Variants in HIBCH observed in about 807,000 individuals in gnomAD.
The protein encoded by HIBCH is 3-hydroxyisobutyryl-CoA hydrolase.
A neutral mutation model predicts 58.2 loss-of-function variants in HIBCH; 50 were observed. The observed-to-expected ratio is 0.86, with a 90% CI of 0.68 to 1.09. HIBCH has a LOEUF of 1.09. HIBCH is among the 50% of genes least tolerant of loss of function. HIBCH has a pLI of 0.00. For missense variants in HIBCH, 450 were observed against 449.7 expected (o/e 1.00, Z -0.01); for synonymous variants, 151 against 146.9 (o/e 1.03, Z -0.20).
At chr2:190,235,418 T>C (rs529755778) in intron 11 of HIBCH, among the ~76,000 whole-genome samples, 1 of 152,372 alleles carries the variant, frequency 6.6e-6, no homozygotes, top group East Asian at 1.9e-4. Context: ...GGTAGGATAC[T>C]GAGTTAATCA....
At chr2:190,200,779 T>A (rs1367337037), downstream of HIBCH, 1 of 167,660 alleles carries the variant, frequency 6.0e-6, no homozygotes, top group African/African-American at 2.4e-5. Context: ...CCTAAAGCCA[T>A]CTTAGAGATA....
chr2:190,195,608 G>C (rs1689932644), intron 1 of HIBCH, among the ~76,000 whole-genome samples: 1 of 152,122 alleles, frequency 6.6e-6, no homozygotes, highest in South Asian at 2.1e-4. Context: ...CAATTAGCTT[G>C]TTCATATTTG....
At chr2:190,303,523 TG>T (rs1688323624) in intron 2 of HIBCH, among the ~76,000 whole-genome samples, 1 of 151,514 alleles carries the variant, frequency 6.6e-6, no homozygotes, top group South Asian at 2.1e-4. Context: ...TGGCCAGAAC[TG>T]GAACAATGAA....
At chr2:190,291,811 T>C (rs1286350336) in intron 4 of HIBCH, among the ~76,000 whole-genome samples, 1 of 152,222 alleles carries the variant, frequency 6.6e-6, no homozygotes, top group East Asian at 1.9e-4. Context: ...CTATCAAAGT[T>C]TCCTCTTCTA....
intron 1 of HIBCH, among the ~76,000 whole-genome samples, chr2:190,314,373 A>G (rs1688656016): frequency 2.3e-5 from 2 of 86,774 alleles, no homozygotes. Flanking sequence ...ATATATACGT[A>G]TATATGTGTA....
chr2:190,235,908 C>T (rs72915420), intron 11 of HIBCH, among the ~76,000 whole-genome samples: 2,460 of 152,298 alleles, frequency 0.016, 37 homozygotes, highest in South Asian at 0.054. Context: ...TCCCTGAGAA[C>T]AGATACTGGA....
intron 2 of HIBCH, among the ~76,000 whole-genome samples, chr2:190,303,223 TAC>T (rs1688315013): frequency 6.6e-6 from 1 of 152,166 alleles, no homozygotes; most frequent in South Asian, 2.1e-4. Flanking sequence ...TGCATTCTAT[TAC>T]AGATACATAC....
At position 190,236,044 on chromosome 2, in the gene HIBCH, G is replaced by A. The variant is rs1298350676; in HGVS notation, c.891+8843C>T. Among the ~76,000 whole-genome samples the A allele has an allele frequency of 6.6e-6, 1 of 152,184 alleles. No homozygotes were observed. The highest frequency in any genetic ancestry group is 2.4e-5 in the African/African-American group (1 of 41,450). On this transcript the variant is annotated intron_variant, in intron 11 of 13. Coordinates refer to ENST00000359678, the MANE Select transcript of HIBCH (RefSeq NM_014362.4). The surrounding 1 kb of genome is among the most constrained non-coding windows in gnomAD (Gnocchi z 4.1). Reference sequence around the variant, plus strand: ...AAGCAAGCTTCCAGGAGTTAATGGTGTGTGCTAGATATCACTCAATAAAGC... The same window carrying A: ...AAGCAAGCTTCCAGGAGTTAATGGTATGTGCTAGATATCACTCAATAAAGC...
intron 1 of HIBCH, among the ~76,000 whole-genome samples, chr2:190,317,195 C>T (rs994526496): frequency 6.6e-6 from 1 of 152,218 alleles, no homozygotes; most frequent in Non-Finnish European, 1.5e-5. Flanking sequence ...AACCACCACA[C>T]CCAGCGAAGA....
chr2:190,261,261 CG>C (rs200205749), intron 6 of HIBCH, 27 bp from the exon 7 acceptor site: 15 of 1,500,660 alleles, frequency 1.0e-5, no homozygotes, highest in Middle Eastern at 1.7e-4. Flanking sequence ...AAAAAAGAGG[CG>C]GGGGGGAATT....
chr2:190,282,711 A>G (rs2582739), intron 6 of HIBCH, among the ~76,000 whole-genome samples: 108,071 of 151,762 alleles, frequency 0.71, 39,089 homozygotes, highest in South Asian at 0.75. Context: ...CCCCACTACT[A>G]AAAAAAAAGA....
At chr2:190,226,127 T>C (rs1685885004) in intron 11 of HIBCH, among the ~76,000 whole-genome samples, 1 of 152,200 alleles carries the variant, frequency 6.6e-6, no homozygotes. Flanking sequence ...CAGAGCTATT[T>C]ATGACAAACC....
At chr2:190,193,258 T>C (rs1195656955) in intron 1 of HIBCH, among the ~76,000 whole-genome samples, 3 of 152,134 alleles carry the variant, frequency 2.0e-5, no homozygotes, top group Non-Finnish European at 4.4e-5. Flanking sequence ...TTATATCTAT[T>C]GTCTTTGGAA....
intron 11 of HIBCH, among the ~76,000 whole-genome samples, chr2:190,227,244 G>A (rs1314993060): frequency 6.6e-6 from 1 of 152,120 alleles, no homozygotes; most frequent in Non-Finnish European, 1.5e-5. Flanking sequence ...TAGACCAATG[G>A]AACAGAACAG....
chr2:190,309,781 G>A (rs1267386652), intron 2 of HIBCH, among the ~76,000 whole-genome samples: 5 of 151,810 alleles, frequency 3.3e-5, no homozygotes, highest in Admixed American at 2.0e-4. Context: ...GGATGGTCTC[G>A]ATCTCCTGAC....
chr2:190,311,670 A>G (rs935825301), intron 1 of HIBCH, among the ~76,000 whole-genome samples: 2 of 152,336 alleles, frequency 1.3e-5, no homozygotes, highest in South Asian at 2.1e-4. Context: ...ATATGTTCAC[A>G]TTATTTACAG....
rs142981977 is a variant in HIBCH at position 190,309,381 on chromosome 2, T to C, written c.78+1373A>G. 5.5e-3 allele frequency among the ~76,000 whole-genome samples: 839 copies of C among 152,278 alleles called. 5 individuals are homozygous for C. The highest frequency in any genetic ancestry group is 0.019 in the African/African-American group (798 of 41,564). On this transcript the variant is annotated intron_variant, in intron 2 of 13. Coordinates refer to ENST00000359678, the MANE Select transcript of HIBCH (RefSeq NM_014362.4). ...CCACCTAGAATACAGTGATATCAGA[T>C]GACTTGTTATTTTTATGTGCAATTT...
chr2:190,319,657 T>C, intron 1 of HIBCH, 59 bp downstream of exon 1: 1 of 1,447,058 alleles, frequency 6.9e-7, no homozygotes, highest in Non-Finnish European at 9.7e-7. Flanking sequence ...CCGGCCCTTT[T>C]CCCACTGTGG....
intron 8 of HIBCH, chr2:190,251,556 A>G (rs1301482139): frequency 3.8e-5 from 17 of 444,118 alleles, no homozygotes; most frequent in South Asian, 2.8e-4. Flanking sequence ...TGTCATCTCC[A>G]TTCTGCAGAC....
Sources: allele counts gnomAD v4.1 joint callset (sites outside exome capture counted in the v4.1 genomes callset), GRCh38; gene constraint gnomAD v4.1.1; non-coding constraint Gnocchi (gnomAD v3.1); transcripts MANE v1.5; gene names NCBI Gene and HGNC (gene_info 2026-07-23, HGNC 2026-07-21).